Variants in FHIT observed in about 807,000 individuals in gnomAD.
FHIT encodes fragile histidine triad diadenosine triphosphatase, also known as bis(5'-adenosyl)-triphosphatase.
In FHIT, 19 loss-of-function variants were observed where a neutral mutation model predicts 17.9. That is an observed-to-expected ratio of 1.06 (90% CI 0.74 to 1.56). The LOEUF is 1.56. FHIT is among the 40% of genes most tolerant of loss of function. The probability of loss-of-function intolerance (pLI) is 0.00; values close to 1 mark genes in which losing one functional copy is unlikely to be tolerated. For synonymous variants in FHIT, 81 were observed against 69.7 expected (o/e 1.16, Z -0.81); for missense variants, 248 against 189.2 (o/e 1.31, Z -1.82).
chr3:61,138,011 C>T (rs2036966125), intron 2 of FHIT, among the ~76,000 whole-genome samples: 1 of 152,202 alleles, frequency 6.6e-6, no homozygotes, highest in East Asian at 1.9e-4. Flanking sequence ...CTGGCTCTGC[C>T]ATTAACCAAC....
intron 1 of FHIT, among the ~76,000 whole-genome samples, chr3:61,212,962 T>A (rs1169376820): frequency 1.3e-5 from 2 of 152,036 alleles, no homozygotes; most frequent in African/African-American, 4.8e-5. Context: ...TGCTGAGAGA[T>A]TTTCTCACCA....
At chr3:61,015,963 G>A (rs971056418) in intron 3 of FHIT, among the ~76,000 whole-genome samples, 14 of 152,172 alleles carry the variant, frequency 9.2e-5, no homozygotes, top group Non-Finnish European at 1.3e-4. Context: ...AGTAAGTGGT[G>A]AAGACTATTT....
intron 2 of FHIT, among the ~76,000 whole-genome samples, chr3:61,136,415 A>C (rs2036917494): frequency 6.6e-6 from 1 of 152,176 alleles, no homozygotes; most frequent in African/African-American, 2.4e-5. Context: ...GTCATCAAAC[A>C]GCTTTCGGGG....
rs146837069 is a variant in FHIT, at chr3:59,920,032, C to G, written c.348+2314G>C. Among the ~76,000 whole-genome samples the G allele has an allele frequency of 7.6e-4, 116 of 152,302 alleles. 1 individual carries two copies. The Middle Eastern group carries it at 0.01, about 13-fold the overall frequency. On this transcript the variant is annotated intron_variant, in intron 8 of 9. Transcript: ENST00000492590. ...GGCAAAGAGAAAATTGGGAATCTCA[C>G]CCTTGGAAAGAATGGTAGATGGGAA...
intron 5 of FHIT, among the ~76,000 whole-genome samples, chr3:60,119,114 T>C (rs75531891): frequency 0.26 from 39,845 of 151,512 alleles, 5,960 homozygotes; most frequent in Non-Finnish European, 0.35. Flanking sequence ...CACTCTGTCA[T>C]CCAGGCTGGA....
At chr3:59,856,877 T>C (rs1255779623) in intron 8 of FHIT, among the ~76,000 whole-genome samples, 1 of 152,114 alleles carries the variant, frequency 6.6e-6, no homozygotes, top group Admixed American at 6.5e-5. Flanking sequence ...GAGTATTTTT[T>C]TTTTTTTTAA....
chr3:61,241,928 T>G (rs752334582), intron 1 of FHIT, among the ~76,000 whole-genome samples: 61 of 152,158 alleles, frequency 4.0e-4, no homozygotes, highest in Non-Finnish European at 7.1e-4. Context: ...AAAACACTCT[T>G]TTTCCCACCC....
At chr3:59,898,479 T>C (rs1704176908) in intron 8 of FHIT, among the ~76,000 whole-genome samples, 1 of 150,856 alleles carries the variant, frequency 6.6e-6, no homozygotes, top group Non-Finnish European at 1.5e-5. Flanking sequence ...TGTGTGTATT[T>C]GGTAGACACT....
At chr3:60,433,640 C>T (rs762025926) in intron 5 of FHIT, among the ~76,000 whole-genome samples, 9 of 152,036 alleles carry the variant, frequency 5.9e-5, no homozygotes, top group Non-Finnish European at 1.2e-4. Context: ...CCTCTCACTG[C>T]GGTTCTGATT....
intron 4 of FHIT, among the ~76,000 whole-genome samples, chr3:60,764,605 A>C (rs1575495721): frequency 6.6e-6 from 1 of 152,164 alleles, no homozygotes; most frequent in East Asian, 1.9e-4. Flanking sequence ...TATAAGTCTC[A>C]GGGTATTAAG....
intron 4 of FHIT, among the ~76,000 whole-genome samples, chr3:60,560,133 T>A (rs1388071983): frequency 1.3e-5 from 2 of 151,982 alleles, no homozygotes; most frequent in Admixed American, 6.6e-5. Context: ...CACAGACAAT[T>A]GTAGGTTCCA....
At chr3:60,293,677 G>C (rs1484510615) in intron 5 of FHIT, among the ~76,000 whole-genome samples, 1 of 152,148 alleles carries the variant, frequency 6.6e-6, no homozygotes, top group Non-Finnish European at 1.5e-5. Context: ...TCCTGAGAAA[G>C]TGTAGCTCTT....
At chr3:60,305,383 G>T (rs1444769197) in intron 5 of FHIT, among the ~76,000 whole-genome samples, 1 of 151,980 alleles carries the variant, frequency 6.6e-6, no homozygotes, top group African/African-American at 2.4e-5. Context: ...AAAATCTAAG[G>T]TACCTTGGAA....
intron 5 of FHIT, among the ~76,000 whole-genome samples, chr3:60,443,944 C>A (rs1022923890): frequency 1.1e-4 from 17 of 152,054 alleles, no homozygotes; most frequent in Non-Finnish European, 1.8e-4. Context: ...ATCTACTCAT[C>A]TGACAAAGGG....
chr3:60,084,102 C>A (rs3845977), intron 5 of FHIT, among the ~76,000 whole-genome samples: 33,550 of 151,972 alleles, frequency 0.22, 3,789 homozygotes, highest in South Asian at 0.24. Context: ...TACGTACATA[C>A]ATAATGTTGT....
intron 3 of FHIT, among the ~76,000 whole-genome samples, chr3:60,857,238 A>C (rs1703426559): frequency 6.6e-6 from 1 of 152,128 alleles, no homozygotes. Context: ...AAATAATAAG[A>C]ATAGAAAAAA....
At position 61,090,786 on chromosome 3, in the gene FHIT, T is replaced by C. The variant is rs75092773; in HGVS notation, c.-163-48687A>G. The stretch of plus-strand genomic sequence containing the variant: ...CTAAAGATAAACAAAAATAACGTTT[T>C]TCCCCTTTTTTGTCACCCTTGTTAA... On this transcript the variant is annotated intron_variant, in intron 2 of 9. Transcript: ENST00000492590. Among the ~76,000 whole-genome samples, 45 of 152,316 alleles carry C rather than the reference T, an allele frequency of 3.0e-4. No individual in the cohort carries two copies. The East Asian group carries it at 6.8e-3, about 23-fold the overall frequency.
chr3:60,282,648 T>G (rs543152775), intron 5 of FHIT, among the ~76,000 whole-genome samples: 2 of 152,008 alleles, frequency 1.3e-5, no homozygotes, highest in African/African-American at 4.8e-5. Context: ...GTATTAATAG[T>G]AGGAGACACT....
At chr3:60,957,058 C>T (rs1203896321) in intron 3 of FHIT, among the ~76,000 whole-genome samples, 2 of 152,042 alleles carry the variant, frequency 1.3e-5, no homozygotes, top group East Asian at 3.9e-4. Flanking sequence ...GAAATACACA[C>T]ATCAGCTAAA....
Sources: allele counts gnomAD v4.1 joint callset (sites outside exome capture counted in the v4.1 genomes callset), GRCh38; gene constraint gnomAD v4.1.1; transcripts MANE v1.5; gene names NCBI Gene and HGNC (gene_info 2026-07-23, HGNC 2026-07-21).